CEP97: variants seen among roughly 807,000 people sequenced by gnomAD.
CEP97 encodes centrosomal protein 97.
Under a neutral mutation model 73.1 loss-of-function variants are expected in CEP97, and 43 were observed. The observed-to-expected ratio is 0.59, with a 90% CI of 0.46 to 0.76. CEP97 has a LOEUF of 0.76. Ranked by LOEUF, CEP97 falls within the 30% of genes least tolerant of loss-of-function variation. CEP97 has a pLI of 0.00. For synonymous variants in CEP97, 337 were observed against 370.0 expected (o/e 0.91, Z 1.02); for missense variants, 939 against 1,014.0 (o/e 0.93, Z 1.00).
chr3:101,745,056 C>A (rs76138351), intron 6 of CEP97, among the ~76,000 whole-genome samples: 2 of 152,096 alleles, frequency 1.3e-5, no homozygotes, highest in African/African-American at 2.4e-5. Flanking sequence ...TTAAGCGTAC[C>A]TGTGGAGAGA....
chr3:101,731,414 C>T (rs11717046), intron 4 of CEP97, among the ~76,000 whole-genome samples: 44,083 of 151,528 alleles, frequency 0.29, 6,843 homozygotes, highest in Non-Finnish European at 0.35. Context: ...TTGCCCAGGC[C>T]GGTCTCAAAC....
intron 6 of CEP97, among the ~76,000 whole-genome samples, chr3:101,742,023 CAG>C (rs1322162123): frequency 1.4e-5 from 2 of 144,022 alleles, no homozygotes; most frequent in Non-Finnish European, 3.0e-5. Context: ...GCCTGGGTGA[CAG>C]AGTGAGACTC....
At chr3:101,735,785 C>G (rs979349416) in intron 6 of CEP97, among the ~76,000 whole-genome samples, 1 of 152,176 alleles carries the variant, frequency 6.6e-6, no homozygotes, top group African/African-American at 2.4e-5. Context: ...TGGGCAGACA[C>G]CAAGCTAGCT....
At chr3:101,740,229 T>C (rs1050137295) in intron 6 of CEP97, among the ~76,000 whole-genome samples, 1 of 152,166 alleles carries the variant, frequency 6.6e-6, no homozygotes, top group Non-Finnish European at 1.5e-5. Flanking sequence ...GAAAACCCCA[T>C]TGTTCCAGCC....
intron 6 of CEP97, among the ~76,000 whole-genome samples, chr3:101,752,447 G>T (rs914946563): frequency 2.6e-5 from 4 of 152,162 alleles, no homozygotes; most frequent in Non-Finnish European, 2.9e-5. Context: ...GGCCTGCCTT[G>T]CTAGATTGGG....
intron 4 of CEP97, among the ~76,000 whole-genome samples, chr3:101,730,304 T>C (rs1191590352): frequency 6.6e-6 from 1 of 151,644 alleles, no homozygotes; most frequent in Non-Finnish European, 1.5e-5. Context: ...TTTGCTCTGT[T>C]GCCCAGGCTG....
At chr3:101,749,209 T>C (rs531647660) in intron 6 of CEP97, among the ~76,000 whole-genome samples, 1,559 of 148,016 alleles carry the variant, frequency 0.011, 27 homozygotes, top group African/African-American at 0.037. Flanking sequence ...GTGTTCTCAT[T>C]GTTCAATTCC....
At chr3:101,738,977 A>T (rs1938364206) in intron 6 of CEP97, among the ~76,000 whole-genome samples, 1 of 152,236 alleles carries the variant, frequency 6.6e-6, no homozygotes, top group Non-Finnish European at 1.5e-5. Flanking sequence ...GACACAATAA[A>T]AAATGATAAA....
chr3:101,729,715 G>T lies in CEP97; in HGVS notation c.447+778G>T, dbSNP rs552453544. ...CCCAAGTAGCTAGGACCATAGGCATGTGTACATCACCACACCCAGCTAATT... is the reference window on the plus strand; with the variant it reads ...CCCAAGTAGCTAGGACCATAGGCATTTGTACATCACCACACCCAGCTAATT... On this transcript the variant is annotated intron_variant, in intron 4 of 10. Transcript: ENST00000341893. 1.3e-4 allele frequency among the ~76,000 whole-genome samples: 20 copies of T among 151,994 alleles called. No homozygotes were observed. The East Asian group carries it at 3.1e-3, about 24-fold the overall frequency.
At chr3:101,726,488 C>G in intron 1 of CEP97, 106 bp from the exon 2 acceptor site, 2 of 740,006 alleles carry the variant, frequency 2.7e-6, no homozygotes, top group Non-Finnish European at 4.0e-6. Flanking sequence ...CTCTACTGTT[C>G]TTTAACTTGA....
chr3:101,753,694 G>C (rs1938914984), intron 6 of CEP97, among the ~76,000 whole-genome samples: 1 of 152,194 alleles, frequency 6.6e-6, no homozygotes, highest in Non-Finnish European at 1.5e-5. Context: ...CGTGGGCGTA[G>C]GACCCTCCGA....
chr3:101,750,407 A>G (rs1215353247), intron 6 of CEP97, among the ~76,000 whole-genome samples: 4 of 151,784 alleles, frequency 2.6e-5, no homozygotes, highest in Non-Finnish European at 5.9e-5. Context: ...GCCTTGTAGT[A>G]TAGTTTGAAG....
intron 4 of CEP97, among the ~76,000 whole-genome samples, chr3:101,731,323 C>T (rs752450163): frequency 2.0e-5 from 3 of 151,526 alleles, no homozygotes; most frequent in Non-Finnish European, 4.4e-5. Flanking sequence ...ACCTCAGCCT[C>T]CCCAGTAGCT....
Position 101,766,638 on chromosome 3 carries a change from G to T in CEP97, c.*1087G>T, listed in dbSNP as rs1443421586. ...AAACCTCACTTTACTTGTTAAAAGG[G>T]ATATATATATATATATATATGTCTG... On this transcript the variant is annotated 3_prime_UTR_variant, in exon 11 of 11. Transcript: ENST00000341893. 6 of 148,090 alleles carry T rather than the reference G, an allele frequency of 4.1e-5. No individual in the cohort carries two copies. The highest frequency in any genetic ancestry group is 1.2e-4 in the African/African-American group (5 of 40,458). 9.2% of individuals were successfully genotyped at this position (148,090 alleles called of 1,614,324 possible). A position where few individuals can be genotyped will look rare whatever the true frequency, so the allele number is the denominator to read the frequency against.
At chr3:101,738,026 A>T (rs990504965) in intron 6 of CEP97, among the ~76,000 whole-genome samples, 3 of 150,646 alleles carry the variant, frequency 2.0e-5, no homozygotes, top group African/African-American at 7.3e-5. Flanking sequence ...AAAAAAAAAA[A>T]AAAAAAAAGC....
intron 6 of CEP97, among the ~76,000 whole-genome samples, chr3:101,747,491 C>A (rs1419978148): frequency 6.6e-6 from 1 of 151,586 alleles, no homozygotes; most frequent in Non-Finnish European, 1.5e-5. Context: ...GATCTCCTGA[C>A]CTTGTGATCC....
At chr3:101,747,587 G>A (rs1475677044) in intron 6 of CEP97, among the ~76,000 whole-genome samples, 5 of 130,762 alleles carry the variant, frequency 3.8e-5, no homozygotes, top group South Asian at 2.5e-4. Context: ...AGACAGTTTC[G>A]CTCTTGTTGC....
At chr3:101,759,652 G>A (rs972161259) in intron 9 of CEP97, 12 of 152,344 alleles carry the variant, frequency 7.9e-5, no homozygotes, top group African/African-American at 2.6e-4. Context: ...CAAGGGCTTG[G>A]AGATTATCTC....
chr3:101,763,090 C>A (rs1169823483), intron 10 of CEP97: 6 of 1,201,038 alleles, frequency 5.0e-6, no homozygotes, highest in African/African-American at 3.2e-5. Context: ...ATAAAATTTT[C>A]ATTTCTTCTT....
Sources: allele counts gnomAD v4.1 joint callset (sites outside exome capture counted in the v4.1 genomes callset), GRCh38; gene constraint gnomAD v4.1.1; transcripts MANE v1.5; gene names NCBI Gene and HGNC (gene_info 2026-07-23, HGNC 2026-07-21).